Variants in HLCS observed in about 807,000 individuals in gnomAD.
The protein encoded by HLCS is biotin--protein ligase.
In HLCS, 53 loss-of-function variants were observed where a neutral mutation model predicts 75.0. The ratio of observed to expected loss-of-function variants is 0.71; its 90% confidence interval spans 0.57 to 0.89. HLCS has a LOEUF of 0.89. Among genes scored for constraint, HLCS ranks in the 40% least tolerant of loss-of-function variants. HLCS has a pLI of 0.00. For synonymous variants in HLCS, 431 were observed against 428.6 expected (o/e 1.01, Z -0.07); for missense variants, 966 against 1,074.0 (o/e 0.90, Z 1.41).
intron 6 of HLCS, among the ~76,000 whole-genome samples, chr21:36,791,580 T>C (rs539371564): frequency 6.6e-6 from 1 of 152,284 alleles, no homozygotes; most frequent in South Asian, 2.1e-4. Context: ...ACGGTGTGGA[T>C]TTTTCTCACC....
At chr21:36,888,432 TA>T (rs1191691491) in intron 6 of HLCS, among the ~76,000 whole-genome samples, 803 of 23,688 alleles carry the variant, frequency 0.034, 14 homozygotes, top group South Asian at 0.058. Context: ...CCTTCCCATT[TA>T]AAAAAAAAAA....
chr21:36,938,669 TTTTG>T (rs1210683551), intron 3 of HLCS, among the ~76,000 whole-genome samples, 159 bp downstream of exon 3: 4 of 152,112 alleles, frequency 2.6e-5, no homozygotes, highest in South Asian at 4.1e-4. Flanking sequence ...CAGCTAATTT[TTTTG>T]TTTGTTTGTT....
intron 5 of HLCS, among the ~76,000 whole-genome samples, chr21:36,915,852 G>A (rs2065906162): frequency 6.6e-6 from 1 of 151,864 alleles, no homozygotes; most frequent in Admixed American, 6.6e-5. Flanking sequence ...CAGCCGCTCG[G>A]GCAGAGAGGG....
intron 9 of HLCS, chr21:36,759,094 T>G: frequency 2.1e-6 from 1 of 471,158 alleles, no homozygotes; most frequent in Non-Finnish European, 4.4e-6. Context: ...ATTCCCTGGC[T>G]GGCACTTGAA....
intron 6 of HLCS, among the ~76,000 whole-genome samples, chr21:36,790,858 C>T (rs1431401835): frequency 1.3e-5 from 2 of 152,036 alleles, no homozygotes; most frequent in African/African-American, 2.4e-5. Context: ...GTGTTCTCTC[C>T]GTGGAAAAAA....
At chr21:36,785,206 C>T (rs1324762008) in intron 6 of HLCS, among the ~76,000 whole-genome samples, 1 of 152,162 alleles carries the variant, frequency 6.6e-6, no homozygotes, top group East Asian at 1.9e-4. Context: ...TCCCTGCACC[C>T]CGCCCTGCCA....
intron 5 of HLCS, among the ~76,000 whole-genome samples, chr21:36,903,537 A>G (rs567253676): frequency 7.2e-5 from 11 of 152,354 alleles, no homozygotes; most frequent in African/African-American, 2.6e-4. Flanking sequence ...CTAAGAGGTT[A>G]TTCATCAGAT....
intron 6 of HLCS, among the ~76,000 whole-genome samples, chr21:36,879,915 GAAA>G (rs11323079): frequency 4.1e-5 from 5 of 120,940 alleles, no homozygotes; most frequent in South Asian, 5.1e-4. Flanking sequence ...ATCTCTTAAA[GAAA>G]AAAAAAAAAA....
rs1065758 is a variant in HLCS, at chr21:36,936,611, G to A, written c.1275C>T (p.Ser425=). ...TGCTCAAGACGCTGAGCTTCACCTCGCTCTGGTCAGCCTTGGAGAAAACCA... is the reference window on the plus strand; with the variant it reads ...TGCTCAAGACGCTGAGCTTCACCTCACTCTGGTCAGCCTTGGAGAAAACCA... ...QNLVFSKADQ[S]EVKLSVLSSG... is the part of the protein sequence containing the mutation. Residue 425 remains serine, a synonymous_variant, in exon 4 of 11, where the codon AGC becomes AGT. Coordinates refer to ENST00000674895, the MANE Select transcript of HLCS (RefSeq NM_001352514.2). The A allele has an allele frequency of 0.15, 241,093 of 1,614,060 alleles. 19,499 individuals are homozygous for A. The highest frequency in any genetic ancestry group is 0.17 in the Non-Finnish European group (202,120 of 1,179,968).
At chr21:36,768,453 A>C (rs1441636499) in intron 6 of HLCS, among the ~76,000 whole-genome samples, 9 of 152,238 alleles carry the variant, frequency 5.9e-5, no homozygotes, top group African/African-American at 1.9e-4. Context: ...GAGAAGAAAA[A>C]TACTTAAAAG....
chr21:36,763,738 T>C (rs756442315), intron 8 of HLCS, among the ~76,000 whole-genome samples: 9 of 152,178 alleles, frequency 5.9e-5, no homozygotes, highest in Non-Finnish European at 1.2e-4. Context: ...ATGAAATTCT[T>C]CCAGGAACAT....
intron 6 of HLCS, among the ~76,000 whole-genome samples, chr21:36,779,317 T>C (rs946782768): frequency 5.9e-5 from 9 of 151,930 alleles, no homozygotes; most frequent in African/African-American, 2.2e-4. Context: ...CCTTCCCTCC[T>C]TCCTTCTTTC....
chr21:36,947,388 C>T (rs1056558323), intron 2 of HLCS: 8 of 985,274 alleles, frequency 8.1e-6, no homozygotes, highest in South Asian at 4.7e-5. Context: ...ACCATGCAAA[C>T]GCCTTCAAGC....
intron 6 of HLCS, among the ~76,000 whole-genome samples, chr21:36,814,320 TA>T (rs2061597010): frequency 6.6e-6 from 1 of 152,238 alleles, no homozygotes; most frequent in Non-Finnish European, 1.5e-5. Context: ...CCAAAAGGGC[TA>T]TACTATCATT....
rs182892517 is a variant in HLCS at position 36,826,030 on chromosome 21, T to A, written c.1893-58745A>T. On this transcript the variant is annotated intron_variant, in intron 6 of 10. Coordinates refer to ENST00000674895, the MANE Select transcript of HLCS (RefSeq NM_001352514.2). ...CAAGGAATTAGAGTAAGAAGTTATT[T>A]TTTTTTTTTAATTAGAAACAAATGA... Among the ~76,000 whole-genome samples the A allele has an allele frequency of 1.7e-4, 26 of 151,478 alleles. No homozygotes were observed. The East Asian group carries it at 4.4e-3, about 26-fold the overall frequency.
chr21:36,874,351 G>A (rs945803306), intron 6 of HLCS, among the ~76,000 whole-genome samples: 3 of 151,392 alleles, frequency 2.0e-5, no homozygotes, highest in East Asian at 2.0e-4. Flanking sequence ...GCAGTGAGCC[G>A]AGATCGCGCC....
intron 6 of HLCS, chr21:36,806,227 C>T (rs1029774824): frequency 2.6e-5 from 4 of 152,434 alleles, no homozygotes; most frequent in Non-Finnish European, 5.9e-5. Flanking sequence ...GCCTTTTCCA[C>T]CATTCATCTC....
intron 6 of HLCS, among the ~76,000 whole-genome samples, chr21:36,868,696 C>CA (rs1159358975): frequency 6.6e-6 from 1 of 152,058 alleles, no homozygotes; most frequent in Non-Finnish European, 1.5e-5. Context: ...GTCTGGCACT[C>CA]ACACTCTGGA....
intron 6 of HLCS, among the ~76,000 whole-genome samples, chr21:36,893,273 T>C (rs182838782): frequency 2.2e-4 from 33 of 152,272 alleles, no homozygotes; most frequent in African/African-American, 7.0e-4. Flanking sequence ...GGTTTCACTA[T>C]ATTGGTCAGG....
Sources: gnomAD v4.1 joint callset for allele counts (sites outside exome capture counted in the v4.1 genomes callset) on GRCh38, gnomAD v4.1.1 for gene constraint, MANE v1.5 for transcripts, NCBI Gene and HGNC (gene_info 2026-07-23, HGNC 2026-07-21) for gene names.